SEL1L3: variants seen among roughly 807,000 people sequenced by gnomAD.
SEL1L3 encodes SEL1L family member 3, also known as protein sel-1 homolog 3.
A neutral mutation model predicts 142.8 loss-of-function variants in SEL1L3; 76 were observed. That is an observed-to-expected ratio of 0.53 (90% CI 0.44 to 0.64). The LOEUF (loss-of-function observed/expected upper bound fraction) is 0.64. SEL1L3 is among the 30% of genes least tolerant of loss of function. The pLI is 0.00. For missense variants in SEL1L3, 1,262 were observed against 1,381.7 expected (o/e 0.91, Z 1.37); for synonymous variants, 504 against 519.6 (o/e 0.97, Z 0.41).
intron 9 of SEL1L3, among the ~76,000 whole-genome samples, chr4:25,813,253 A>G (rs1322298240): frequency 6.6e-6 from 1 of 152,226 alleles, no homozygotes; most frequent in Admixed American, 6.5e-5. Flanking sequence ...TTTTAGGCCT[A>G]TATTCTAAGC....
intron 19 of SEL1L3, among the ~76,000 whole-genome samples, chr4:25,767,229 G>A (rs773472189): frequency 2.6e-5 from 4 of 152,194 alleles, no homozygotes; most frequent in Admixed American, 2.6e-4. Flanking sequence ...AGGTTGCACT[G>A]AGCCCAGATC....
Position 25,832,862 on chromosome 4 carries a change from G to A in SEL1L3, c.1098+133C>T, listed in dbSNP as rs530905341. The A allele has an allele frequency of 1.3e-5, 8 of 610,476 alleles. 1 individual carries two copies. Among genetic ancestry groups the A allele is most frequent in the South Asian group, 6.0e-5 (3 of 49,802 alleles). 37.8% of individuals were successfully genotyped at this position (610,476 alleles called of 1,614,324 possible). ...TCTATGAAAGTTTGATTTAGCAAGC[G>A]TGTAGTTGTAACGAGTCTATCATTT... On this transcript the variant is annotated intron_variant, in intron 5 of 23. Coordinates refer to ENST00000399878, the MANE Select transcript of SEL1L3 (RefSeq NM_015187.5).
At chr4:25,715,854 A>G in the SEL1L3 span, among the ~76,000 whole-genome samples, 12 of 152,292 alleles carry the variant, frequency 7.9e-5, no homozygotes, top group Admixed American at 3.9e-4. Flanking sequence ...TTTGGATTAA[A>G]AAAGTGAAAA....
intron 23 of SEL1L3, chr4:25,756,612 A>G: frequency 1.0e-6 from 1 of 957,184 alleles, no homozygotes; most frequent in Non-Finnish European, 1.3e-6. Context: ...ACAGCTAATG[A>G]GTAGCCAAGC....
intron 11 of SEL1L3, among the ~76,000 whole-genome samples, chr4:25,792,339 G>C (rs1182750101): frequency 6.6e-6 from 1 of 152,226 alleles, no homozygotes; most frequent in East Asian, 1.9e-4. Context: ...GCCTTGCCAG[G>C]TTGGCTTGAC....
rs1224045568 is a variant in SEL1L3, at chr4:25,862,829, C to T, written c.8G>A (p.Arg3Gln). 2.7e-6 allele frequency: 3 copies of T among 1,126,644 alleles called. No individual in the cohort carries two copies. Among genetic ancestry groups the T allele is most frequent in the Non-Finnish European group, 1.1e-6 (1 of 922,080 alleles). The allele number at this position is 1,126,644 out of a possible 1,614,324, so 69.8% of individuals were successfully genotyped here. MQ[R>Q]RGAGLGWPRQ... is the part of the protein sequence containing the mutation. ...CGGCCACCCGAGCCCCGCGCCGCGC[C>T]GCTGCATGGCGAGGCCGCCCGGATC... The change falls in exon 1 of 24, where the codon CGG becomes CAG. Residue 3 changes from arginine (R) to glutamine (Q), a missense_variant. Physicochemically the swap from Arg to Gln is conservative, Grantham distance 43. This residue lies in a region of SEL1L3 where 689 missense variants were observed against 692.8 expected (regional missense o/e 0.99). Transcript: ENST00000399878.
chr4:25,784,597 G>A (rs1711662387), intron 13 of SEL1L3, among the ~76,000 whole-genome samples: 1 of 152,134 alleles, frequency 6.6e-6, no homozygotes, highest in Non-Finnish European at 1.5e-5. Context: ...AAATGAGTTT[G>A]GTCATCCTGG....
At chr4:25,823,348 C>T (rs1714890246) in intron 6 of SEL1L3, among the ~76,000 whole-genome samples, 1 of 152,000 alleles carries the variant, frequency 6.6e-6, no homozygotes, top group Non-Finnish European at 1.5e-5. Context: ...AAGCCCATCT[C>T]TACTAAAAAT....
intron 2 of SEL1L3, among the ~76,000 whole-genome samples, chr4:25,844,274 T>C (rs928744055): frequency 2.6e-5 from 4 of 152,232 alleles, no homozygotes; most frequent in Non-Finnish European, 5.9e-5. Flanking sequence ...ATGTTTTCCA[T>C]GGGACTGCTG....
chr4:25,815,335 C>T (rs1413386239), intron 9 of SEL1L3, among the ~76,000 whole-genome samples: 1 of 152,066 alleles, frequency 6.6e-6, no homozygotes, highest in Non-Finnish European at 1.5e-5. Flanking sequence ...GCTCACTGTG[C>T]GGGAATCTAG....
At chr4:25,834,972 G>C (rs1300292112) in intron 3 of SEL1L3, among the ~76,000 whole-genome samples, 1 of 152,190 alleles carries the variant, frequency 6.6e-6, no homozygotes, top group Non-Finnish European at 1.5e-5. Flanking sequence ...TGTCATGTAA[G>C]GAGGCTAAGG....
intron 16 of SEL1L3, among the ~76,000 whole-genome samples, chr4:25,778,661 A>G (rs1719799544): frequency 6.6e-6 from 1 of 152,190 alleles, no homozygotes; most frequent in South Asian, 2.1e-4. Flanking sequence ...TGGCAGAGTC[A>G]AAGAAAACTA....
At chr4:25,818,573 T>C (rs1474992052) in intron 8 of SEL1L3, among the ~76,000 whole-genome samples, 1 of 152,114 alleles carries the variant, frequency 6.6e-6, no homozygotes, top group Non-Finnish European at 1.5e-5. Flanking sequence ...TTTTTTGGCA[T>C]GTGAGTTGAG....
chr4:25,763,988 T>C (rs532223243), intron 20 of SEL1L3, among the ~76,000 whole-genome samples: 1 of 152,182 alleles, frequency 6.6e-6, no homozygotes, highest in Non-Finnish European at 1.5e-5. Context: ...ACCTCCATCA[T>C]GAAAATGATT....
chr4:25,770,064 G>T (rs968037728), intron 17 of SEL1L3, among the ~76,000 whole-genome samples: 3 of 152,110 alleles, frequency 2.0e-5, no homozygotes, highest in Admixed American at 6.6e-5. Flanking sequence ...AAAGGTGGAG[G>T]TTGCAGTGAG....
chr4:25,819,833 C>T lies in SEL1L3; in HGVS notation c.1398G>A (p.Lys466=). 6.2e-7 allele frequency: 1 copy of T among 1,612,378 alleles called. No individual in the cohort carries two copies. The highest frequency in any genetic ancestry group is 1.1e-5 in the South Asian group (1 of 90,640). Residue 466 remains lysine, a synonymous_variant, in exon 8 of 24, where the codon AAG becomes AAA. Coordinates refer to ENST00000399878, the MANE Select transcript of SEL1L3 (RefSeq NM_015187.5). The part of the protein sequence containing the change: ...EIVSVYASAA[K]HGGERQEACH... ...ATGCTTCTTGTCTCTCGCCCCCGTG[C>T]TTTGCTGCAGATGCATACACAGATA...
chr4:25,806,707 C>A (rs1412680767), intron 9 of SEL1L3, among the ~76,000 whole-genome samples: 2 of 152,260 alleles, frequency 1.3e-5, no homozygotes, highest in East Asian at 3.9e-4. Context: ...TGGAACTCTT[C>A]CCTGCCTACC....
rs1385499476 is a variant in SEL1L3, at chr4:25,802,340, G to A, written c.1899C>T (p.Tyr633=). The part of the protein sequence containing the change: ...YPLDWELSYA[Y]YSNIATKTPL... ...GTGTCTTGGTGGCAATGTTGCTGTA[G>A]TAGGCATACGACAGTTCCCAGTCCA... Residue 633 remains tyrosine (Y), a synonymous_variant, in exon 11 of 24, where the codon TAC becomes TAT. Transcript: ENST00000399878. The A allele has an allele frequency of 6.2e-7, 1 of 1,613,840 alleles. No individual in the cohort carries two copies. Among genetic ancestry groups the A allele is most frequent in the Non-Finnish European group, 8.5e-7 (1 of 1,179,838 alleles).
intron 9 of SEL1L3, among the ~76,000 whole-genome samples, chr4:25,805,496 C>T (rs539019702): frequency 1.3e-5 from 2 of 152,314 alleles, no homozygotes; most frequent in African/African-American, 2.4e-5. Context: ...CCCTGATGCA[C>T]GTACCCTCAA....
Sources: gnomAD v4.1 joint callset for allele counts (sites outside exome capture counted in the v4.1 genomes callset) on GRCh38, gnomAD v4.1.1 for gene constraint, gnomAD v4.1.1 regional missense constraint, MANE v1.5 for transcripts, NCBI Gene and HGNC (gene_info 2026-07-23, HGNC 2026-07-21) for gene names.